GRM1: variants seen among roughly 807,000 people sequenced by gnomAD.
GRM1 encodes the protein metabotropic glutamate receptor 1.
GRM1 carries 33 observed loss-of-function variants against 90.9 expected under a neutral mutation model. That is an observed-to-expected ratio of 0.36 (90% confidence interval 0.28 to 0.49). GRM1 has a LOEUF of 0.49. Ranked by LOEUF, GRM1 falls within the 20% of genes least tolerant of loss-of-function variation. The pLI is 0.99. For synonymous variants in GRM1, 700 were observed against 613.2 expected (o/e 1.14, Z -2.09); for missense variants, 1,190 against 1,534.3 (o/e 0.78, Z 3.75).
intron 2 of GRM1, among the ~76,000 whole-genome samples, chr6:146,257,289 A>G (rs78086009): frequency 0.012 from 1,777 of 152,280 alleles, 13 homozygotes; most frequent in South Asian, 0.029. Flanking sequence ...AAGGACAGGA[A>G]ATACAGCCTC....
chr6:146,282,867 A>G (rs1782625291), intron 2 of GRM1, among the ~76,000 whole-genome samples: 1 of 152,206 alleles, frequency 6.6e-6, no homozygotes, highest in Non-Finnish European at 1.5e-5. Context: ...AATAGACTGG[A>G]TAACTGAGAA....
At chr6:146,282,034 G>A (rs1782585334) in intron 2 of GRM1, among the ~76,000 whole-genome samples, 1 of 152,066 alleles carries the variant, frequency 6.6e-6, no homozygotes, top group Non-Finnish European at 1.5e-5. Flanking sequence ...AGGCTGCTTG[G>A]GAATCATAAA....
At chr6:146,250,708 C>G (rs1781238445) in intron 2 of GRM1, among the ~76,000 whole-genome samples, 1 of 152,204 alleles carries the variant, frequency 6.6e-6, no homozygotes. Flanking sequence ...AACAGCTTGA[C>G]CAGCATCATA....
chr6:146,202,511 G>T (rs1779332613), intron 2 of GRM1, among the ~76,000 whole-genome samples: 1 of 152,152 alleles, frequency 6.6e-6, no homozygotes, highest in African/African-American at 2.4e-5. Flanking sequence ...GTGTTAACTT[G>T]AATTAAATAT....
chr6:146,365,437 C>T (rs1337378841), intron 5 of GRM1: 1 of 152,254 alleles, frequency 6.6e-6, no homozygotes, highest in Non-Finnish European at 1.5e-5. Flanking sequence ...GATCCAGCCC[C>T]TTCGTCACTT....
intron 1 of GRM1, among the ~76,000 whole-genome samples, chr6:146,053,477 A>G (rs1308361846): frequency 6.6e-6 from 1 of 152,112 alleles, no homozygotes; most frequent in Non-Finnish European, 1.5e-5. Context: ...TTAGAGGCTG[A>G]AGGGATTTCA....
chr6:146,421,080 A>T (rs752084406), intron 7 of GRM1, among the ~76,000 whole-genome samples: 5 of 152,150 alleles, frequency 3.3e-5, no homozygotes, highest in African/African-American at 9.6e-5. Flanking sequence ...AACCTCATAC[A>T]CTAGTGTAAA....
In GRM1 at chr6:146,267,685, C is replaced by CTG. The variant is rs1781957701; in HGVS notation, c.951-36926_951-36925insTG. Reference sequence around the variant, plus strand: ...GGGCTGGGCTGGGCTGGGCTGGGCTCGGCTCGGCTCGGCTCGGCTCGTCTC... The same window carrying CTG: ...GGGCTGGGCTGGGCTGGGCTGGGCTCTGGGCTCGGCTCGGCTCGGCTCGTCTC... On this transcript the variant is annotated intron_variant, in intron 2 of 7. Transcript: ENST00000282753. Among the ~76,000 whole-genome samples the CTG allele has an allele frequency of 8.0e-5, 7 of 87,026 alleles. No homozygotes were observed. The East Asian group carries it at 2.0e-3, about 25-fold the overall frequency. The allele number at this position is 87,026 out of a possible 152,430, so 57.1% of individuals were successfully genotyped here. A position where few individuals can be genotyped will look rare whatever the true frequency, so the allele number is the denominator to read the frequency against.
At chr6:146,421,552 GAAT>G (rs1777993562) in intron 7 of GRM1, among the ~76,000 whole-genome samples, 1 of 152,006 alleles carries the variant, frequency 6.6e-6, no homozygotes. Context: ...TTCATATTTA[GAAT>G]AATATACAGA....
intron 7 of GRM1, among the ~76,000 whole-genome samples, chr6:146,431,350 T>C (rs1020646294): frequency 6.6e-6 from 1 of 152,326 alleles, no homozygotes; most frequent in African/African-American, 2.4e-5. Context: ...GCAACATGAT[T>C]AATAATACTG....
At chr6:146,086,794 T>C (rs1355900732) in intron 1 of GRM1, among the ~76,000 whole-genome samples, 2 of 152,062 alleles carry the variant, frequency 1.3e-5, no homozygotes, top group East Asian at 3.9e-4. Flanking sequence ...TTCTCAGACC[T>C]TGCTGTTAGC....
At chr6:146,265,822 A>G (rs1453635197) in intron 2 of GRM1, among the ~76,000 whole-genome samples, 3 of 152,292 alleles carry the variant, frequency 2.0e-5, no homozygotes, top group East Asian at 1.9e-4. Context: ...CCATCATTGT[A>G]TGTGGCTTTA....
At chr6:146,349,545 C>T (rs1785318698) in intron 3 of GRM1, among the ~76,000 whole-genome samples, 1 of 152,098 alleles carries the variant, frequency 6.6e-6, no homozygotes, top group South Asian at 2.1e-4. Flanking sequence ...TCAACATACC[C>T]ACTTTTTCTT....
chr6:146,057,974 G>A (rs755399045), intron 1 of GRM1, among the ~76,000 whole-genome samples: 2 of 151,962 alleles, frequency 1.3e-5, no homozygotes, highest in East Asian at 1.9e-4. Context: ...CATCACCCAA[G>A]CAGTATACAC....
intron 2 of GRM1, among the ~76,000 whole-genome samples, chr6:146,201,553 T>C (rs1779297574): frequency 6.6e-6 from 1 of 152,208 alleles, no homozygotes; most frequent in Admixed American, 6.5e-5. Context: ...CTCATATCTC[T>C]TTTAGGGACA....
chr6:146,122,328 A>G (rs1256340532), intron 1 of GRM1, among the ~76,000 whole-genome samples: 1 of 151,874 alleles, frequency 6.6e-6, no homozygotes, highest in Admixed American at 6.6e-5. Context: ...GTTTCTCCTT[A>G]TCTTTGGAGT....
At chr6:146,367,722 T>A (rs770361770) in intron 5 of GRM1, among the ~76,000 whole-genome samples, 2 of 152,196 alleles carry the variant, frequency 1.3e-5, no homozygotes, top group Non-Finnish European at 2.9e-5. Flanking sequence ...TCCAGCTGCA[T>A]CTGTGTTGCT....
At chr6:146,037,094 A>G (rs922302244) in intron 1 of GRM1, among the ~76,000 whole-genome samples, 3 of 151,996 alleles carry the variant, frequency 2.0e-5, no homozygotes, top group Admixed American at 6.6e-5. Flanking sequence ...TGGGAATTAT[A>G]ATCACTACCA....
intron 3 of GRM1, among the ~76,000 whole-genome samples, chr6:146,339,741 A>G (rs1784903300): frequency 6.6e-6 from 1 of 152,212 alleles, no homozygotes; most frequent in Admixed American, 6.5e-5. Flanking sequence ...GACAATACAA[A>G]GAAGGTTTTG....
Sources: gnomAD v4.1 joint callset for allele counts (sites outside exome capture counted in the v4.1 genomes callset) on GRCh38, gnomAD v4.1.1 for gene constraint, MANE v1.5 for transcripts, NCBI Gene and HGNC (gene_info 2026-07-23, HGNC 2026-07-21) for gene names.